Variants in DHX58 observed in about 807,000 individuals in gnomAD.
DHX58 encodes DExH-box helicase 58, also known as ATP-dependent RNA helicase DHX58.
A neutral mutation model predicts 65.0 loss-of-function variants in DHX58; 51 were observed. The observed-to-expected ratio is 0.78, with a 90% CI of 0.63 to 0.99. The LOEUF (loss-of-function observed/expected upper bound fraction) is 0.99. Among genes scored for constraint, DHX58 ranks in the 50% least tolerant of loss-of-function variants. The pLI is 0.00. For synonymous variants in DHX58, 350 were observed against 365.0 expected, an observed-to-expected ratio of 0.96 and a Z score of 0.47; for missense variants, 773 against 891.8, an observed-to-expected ratio of 0.87 and a Z score of 1.70.
In DHX58 at chr17:42,103,807, G is replaced by C. The variant is rs1555662030; in HGVS notation, c.1564-9C>G. The C allele has an allele frequency of 6.2e-7, 1 of 1,600,360 alleles. No homozygotes were observed. Among genetic ancestry groups the C allele is most frequent in the Admixed American group, 1.7e-5 (1 of 59,882 alleles). On this transcript the variant is annotated splice_polypyrimidine_tract_variant and intron_variant, in intron 11 of 13. Transcript: ENST00000251642. Reference sequence around the variant, plus strand: ...TGCTGCAGATCCCGGATCTGGGGTGGGAGGAGACACCAGGCATGGCTGGGG... The same window carrying C: ...TGCTGCAGATCCCGGATCTGGGGTGCGAGGAGACACCAGGCATGGCTGGGG...
chr17:42,109,481 A>T, intron 5 of DHX58, 95 bp from the exon 6 acceptor site: 1 of 1,015,442 alleles, frequency 9.8e-7, no homozygotes, highest in Non-Finnish European at 1.5e-6. Context: ...AGGACAGGAG[A>T]ATGTGGGCAT....
chr17:42,102,039 T>G, intron 13 of DHX58, 93 bp from the exon 14 acceptor site: 1 of 1,472,198 alleles, frequency 6.8e-7, no homozygotes, highest in Non-Finnish European at 9.2e-7. Context: ...CAGGGCCTTT[T>G]CCTCCCACCT....
At chr17:42,108,960 G>A (rs533251301) in intron 6 of DHX58, among the ~76,000 whole-genome samples, 56 of 152,352 alleles carry the variant, frequency 3.7e-4, no homozygotes, top group African/African-American at 1.3e-3. Context: ...GCAGACACGA[G>A]GCCGTGTCCA....
intron 7 of DHX58, 87 bp from the exon 8 acceptor site, chr17:42,107,882 TG>T: frequency 6.4e-7 from 1 of 1,556,404 alleles, no homozygotes; most frequent in Non-Finnish European, 8.7e-7. Flanking sequence ...ACTCCACCCC[TG>T]GGGTGGATAG....
At chr17:42,104,957 T>G (rs782379291) in intron 10 of DHX58, 30 bp from the exon 11 acceptor site, 43 of 1,613,230 alleles carry the variant, frequency 2.7e-5, no homozygotes, top group Non-Finnish European at 3.6e-5. Context: ...GTGTCCTGAG[T>G]TGGGCTGGGG....
At position 42,110,641 on chromosome 17, in the gene DHX58, C is replaced by T. The variant is rs533300814; in HGVS notation, c.561+82G>A. On this transcript the variant is annotated intron_variant, in intron 5 of 13. Transcript: ENST00000251642. ...GAGAGCCTGGTAGGGCTGGTGGGGA[C>T]GGGGTAGTGGCAGGGCAGGCAGGGA... The T allele has an allele frequency of 7.9e-5, 116 of 1,472,376 alleles. No individual in the cohort carries two copies. In the African/African-American group the frequency reaches 9.9e-4, roughly 13 times the overall value. The allele number at this position is 1,472,376 out of a possible 1,614,324, so 91.2% of individuals were successfully genotyped here. A position where few individuals can be genotyped will look rare whatever the true frequency, so the allele number is the denominator to read the frequency against.
In DHX58 at chr17:42,101,767, C is replaced by A; in HGVS notation, c.2031G>T (p.Leu677=). 6.2e-7 allele frequency: 1 copy of A among 1,614,080 alleles called. No homozygotes were observed. Among genetic ancestry groups the A allele is most frequent in the South Asian group, 1.1e-5 (1 of 91,078 alleles). ...HCAENLSDLS[L]D ...CACTGCAGCAATGAGGTGGTCAGTC[C>A]AGGGAGAGGTCCGACAAGTTCTCGG... Residue 677 remains leucine, a synonymous_variant, in exon 14 of 14, where the codon CTG becomes CTT. Coordinates refer to ENST00000251642, the MANE Select transcript of DHX58 (RefSeq NM_024119.3).
Position 42,109,344 on chromosome 17 carries a change from T to C in DHX58, c.604A>G (p.Asn202Asp). Reference sequence around the variant, plus strand: ...TGCTCCTGCAGCTGGGGGCAGCAGTTCTGGGGTGACATGATGCACCACGTG... The same window carrying C: ...TGCTCCTGCAGCTGGGGGCAGCAGTCCTGGGGTGACATGATGCACCACGTG... Reference protein sequence around the residue: ...LDTWCIMSPQNCCPQLQEHSQ... With the variant: ...LDTWCIMSPQDCCPQLQEHSQ... Residue 202 changes from asparagine to aspartate, a missense_variant, in exon 6 of 14, where the codon AAC (asparagine) becomes GAC (aspartate). By Grantham distance (23) the Asn-to-Asp change is conservative (BLOSUM62 1). Coordinates refer to ENST00000251642, the MANE Select transcript of DHX58 (RefSeq NM_024119.3). 6.2e-7 allele frequency: 1 copy of C among 1,613,774 alleles called. No individual in the cohort carries two copies. Among genetic ancestry groups the C allele is most frequent in the South Asian group, 1.1e-5 (1 of 90,928 alleles).
intron 13 of DHX58, 116 bp downstream of exon 13, chr17:42,102,100 T>A (rs1555661655): frequency 2.8e-6 from 4 of 1,437,750 alleles, no homozygotes; most frequent in Non-Finnish European, 2.9e-6. Flanking sequence ...ACCTCCCTCT[T>A]CAGACTGGAG....
rs373138375 is a variant in DHX58, at chr17:42,103,434, C to T, written c.1754+174G>A. 22 of 793,890 alleles carry T rather than the reference C, an allele frequency of 2.8e-5. No homozygotes were observed. In the African/African-American group the frequency reaches 3.0e-4, roughly 11 times the overall value. 49.2% of individuals were successfully genotyped at this position (793,890 alleles called of 1,614,324 possible). A position where few individuals can be genotyped will look rare whatever the true frequency, so the allele number is the denominator to read the frequency against. ...GGCAAGTCACATAGCCTCTCTGAGC[C>T]TCTATTTCCTTGCCTGTAAAATGGA... On this transcript the variant is annotated intron_variant, in intron 12 of 13. Coordinates refer to ENST00000251642, the MANE Select transcript of DHX58 (RefSeq NM_024119.3).
At position 42,112,172 on chromosome 17, in the gene DHX58, T is replaced by C. The variant is rs957944275; in HGVS notation, c.-61A>G. ...CACTTAACTCAGCCTGGTGCCACTC[T>C]GCTCAGCTCAGAGACCCAAGATGGA... On this transcript the variant is annotated 5_prime_UTR_variant, in exon 2 of 14. Transcript: ENST00000251642. The C allele has an allele frequency of 1.6e-5, 5 of 317,486 alleles. No individual in the cohort carries two copies. Among genetic ancestry groups the C allele is most frequent in the South Asian group, 1.9e-4 (2 of 10,428 alleles). 19.7% of individuals were successfully genotyped at this position (317,486 alleles called of 1,614,324 possible). A position where few individuals can be genotyped will look rare whatever the true frequency, so the allele number is the denominator to read the frequency against.
chr17:42,111,427 A>G lies in DHX58; in HGVS notation c.239T>C (p.Leu80Pro). 1 of 1,614,140 alleles carries G rather than the reference A, an allele frequency of 6.2e-7. No homozygotes were observed. Among genetic ancestry groups the G allele is most frequent in the Non-Finnish European group, 8.5e-7 (1 of 1,180,008 alleles). Residue 80 changes from leucine (L) to proline (P), a missense_variant, in exon 4 of 14, where the codon CTG (leucine) becomes CCG (proline). Transcript: ENST00000251642. ...AGCACGTGGTCCCATGTCCCCACTCAGGGTTGTCACGGTCCAGCGTCCATC... is the reference window on the plus strand; with the variant it reads ...AGCACGTGGTCCCATGTCCCCACTCGGGGTTGTCACGGTCCAGCGTCCATC... ...MLDGRWTVTT[L>P]SGDMGPRAGF...
Position 42,111,712 on chromosome 17 carries a change from A to G in DHX58, c.168+13T>C. 1 of 1,604,546 alleles carries G rather than the reference A, an allele frequency of 6.2e-7. No individual in the cohort carries two copies. Among genetic ancestry groups the G allele is most frequent in the Non-Finnish European group, 8.5e-7 (1 of 1,173,214 alleles). The stretch of plus-strand genomic sequence containing the variant: ...TTGGTGGTGGGAGAGCGGGGTAGGG[A>G]CAGACCACTCACCCTGTTGACCAAT... On this transcript the variant is annotated intron_variant, in intron 3 of 13. Transcript: ENST00000251642.
At position 42,101,909 on chromosome 17, in the gene DHX58, AG is replaced by A; in HGVS notation, c.1888del (p.Leu630CysfsTer110). On this transcript the variant is annotated frameshift_variant, in exon 14 of 14. Transcript: ENST00000251642. LOFTEE classifies it low-confidence loss of function (END_TRUNC). ...CATGCTGCGGACTTTGAGCACTGGC[AG>A]CTTCACTGACTTGTAGATCATCTGC... ...GLQMIYKSVK[L>X]PVLKVRSMLL... 1 of 1,614,036 alleles carries A rather than the reference AG, an allele frequency of 6.2e-7. No individual in the cohort carries two copies. The highest frequency in any genetic ancestry group is 8.5e-7 in the Non-Finnish European group (1 of 1,179,938).
rs782796904 is a variant in DHX58, at chr17:42,109,366, C to T, written c.582G>A (p.Thr194=). The change falls in exon 6 of 14, where the codon ACG becomes ACA. Residue 194 remains threonine (T), a synonymous_variant. Coordinates refer to ENST00000251642, the MANE Select transcript of DHX58 (RefSeq NM_024119.3). ...AGTTCTGGGGTGACATGATGCACCA[C>T]GTGTCCAAGTTGGCACAGAGCTGGG... The part of the protein sequence containing the change: ...HVLQLCANLD[T]WCIMSPQNCC... The T allele has an allele frequency of 1.1e-5, 18 of 1,613,306 alleles. No homozygotes were observed. The East Asian group carries it at 2.4e-4, about 22-fold the overall frequency.
At chr17:42,110,301 A>T (rs1568005929) in intron 5 of DHX58, among the ~76,000 whole-genome samples, 2 of 152,074 alleles carry the variant, frequency 1.3e-5, no homozygotes, top group Non-Finnish European at 2.9e-5. Flanking sequence ...GACTTTCAAG[A>T]GGTGGCATTA....
At position 42,111,816 on chromosome 17, in the gene DHX58, G is replaced by A. The variant is rs2054160473; in HGVS notation, c.77C>T (p.Thr26Met). ...EGKNIIIWLPTGAGKTRAAAY... is the reference protein window; with the variant it reads ...EGKNIIIWLPMGAGKTRAAAY... ...AGCCGCCCGGGTCTTCCCGGCACCCGTGGGCAGCCAGATGATGATATTCTT... is the reference window on the plus strand; with the variant it reads ...AGCCGCCCGGGTCTTCCCGGCACCCATGGGCAGCCAGATGATGATATTCTT... Residue 26 changes from threonine (T) to methionine (M), a missense_variant, in exon 3 of 14, where the codon ACG becomes ATG. By Grantham distance (81) the Thr-to-Met change is moderately conservative. Transcript: ENST00000251642. 4 of 1,614,086 alleles carry A rather than the reference G, an allele frequency of 2.5e-6. No individual in the cohort carries two copies. Among genetic ancestry groups the A allele is most frequent in the South Asian group, 1.1e-5 (1 of 91,048 alleles).
Position 42,107,564 on chromosome 17 carries a change from C to T in DHX58, c.997+40G>A, listed in dbSNP as rs563112885. On this transcript the variant is annotated intron_variant, in intron 8 of 13. Transcript: ENST00000251642. ...CTGGCCTCTGACCTCGCATCCAGGT[C>T]CCATCATCCCCGGCCCCGAAGCCCC... is the stretch of plus-strand genomic sequence containing the variant. The T allele has an allele frequency of 3.3e-6, 5 of 1,502,866 alleles. No individual in the cohort carries two copies. The South Asian group carries it at 6.6e-5, about 20-fold the overall frequency. The allele number at this position is 1,502,866 out of a possible 1,614,324, so 93.1% of individuals were successfully genotyped here.
At chr17:42,109,835 C>T (rs1165810377) in intron 5 of DHX58, among the ~76,000 whole-genome samples, 2 of 149,860 alleles carry the variant, frequency 1.3e-5, no homozygotes, top group Non-Finnish European at 2.9e-5. Flanking sequence ...GTGGAGGTTG[C>T]AGTGAGCCAA....
Sources: allele counts gnomAD v4.1 joint callset (sites outside exome capture counted in the v4.1 genomes callset), GRCh38; gene constraint gnomAD v4.1.1; transcripts MANE v1.5; gene names NCBI Gene and HGNC (gene_info 2026-07-23, HGNC 2026-07-21).